The following CNOT10 variants were observed in gnomAD, a reference collection of about 807,000 sequenced individuals.
The protein encoded by CNOT10 is CCR4-NOT transcription complex, subunit 10.
A neutral mutation model predicts 94.6 loss-of-function variants in CNOT10; 30 were observed. The ratio of observed to expected loss-of-function variants is 0.32; its 90% confidence interval spans 0.24 to 0.43. The LOEUF (loss-of-function observed/expected upper bound fraction) is 0.43, where lower values mean the gene tolerates loss of function less well. CNOT10 is among the 20% of genes least tolerant of loss of function. The pLI is 1.00. For synonymous variants in CNOT10, 289 were observed against 301.6 expected (o/e 0.96, Z 0.43); for missense variants, 759 against 877.2 (o/e 0.87, Z 1.70).
chr3:32,753,164 A>G, intron 13 of CNOT10: 1 of 623,868 alleles, frequency 1.6e-6, no homozygotes. Context: ...GAGAAAAGGA[A>G]CATGTGAATA....
chr3:32,711,843 G>A (rs1197093918), intron 4 of CNOT10, among the ~76,000 whole-genome samples: 1 of 152,176 alleles, frequency 6.6e-6, no homozygotes, highest in Non-Finnish European at 1.5e-5. Flanking sequence ...AAGAGGTAAA[G>A]CCTAGGGCAG....
rs930447085 is a variant in CNOT10 at position 32,759,349 on chromosome 3, C to T, written c.1596-109C>T. On this transcript the variant is annotated intron_variant, in intron 13 of 18. Transcript: ENST00000328834. ...AGTACCGTGGCTTCCTCTCCTCTTT[C>T]CTGGTGTCCAGATTGTCACAGCTAA... 2.5e-5 allele frequency: 18 copies of T among 719,326 alleles called. No individual in the cohort carries two copies. The East Asian group carries it at 2.8e-4, about 11-fold the overall frequency. The allele number at this position is 719,326 out of a possible 1,614,324, so 44.6% of individuals were successfully genotyped here. A position where few individuals can be genotyped will look rare whatever the true frequency, so the allele number is the denominator to read the frequency against.
chr3:32,705,881 C>G (rs1697597164), intron 3 of CNOT10, among the ~76,000 whole-genome samples: 2 of 152,102 alleles, frequency 1.3e-5, no homozygotes, highest in African/African-American at 4.8e-5. Flanking sequence ...AATTTTTAAA[C>G]CCCATTAAAA....
At chr3:32,688,920 A>T (rs895658035) in intron 1 of CNOT10, among the ~76,000 whole-genome samples, 1 of 151,950 alleles carries the variant, frequency 6.6e-6, no homozygotes, top group African/African-American at 2.4e-5. Flanking sequence ...AAAATAAAAT[A>T]AAAGGCCGGA....
At chr3:32,729,102 G>A (rs990268803) in intron 10 of CNOT10, among the ~76,000 whole-genome samples, 3 of 152,078 alleles carry the variant, frequency 2.0e-5, no homozygotes, top group African/African-American at 7.2e-5. Context: ...TCAAAAAAAA[G>A]TTCTGATAAC....
rs1478933561 is a variant in CNOT10 at position 32,704,716 on chromosome 3, TAAGATA to T, written c.118-89_118-84del. 2.2e-6 allele frequency: 3 copies of T among 1,358,858 alleles called. No homozygotes were observed. In the East Asian group the frequency reaches 8.0e-5, roughly 36 times the overall value. 84.2% of individuals were successfully genotyped at this position (1,358,858 alleles called of 1,614,324 possible). A position where few individuals can be genotyped will look rare whatever the true frequency, so the allele number is the denominator to read the frequency against. On this transcript the variant is annotated intron_variant, in intron 2 of 18. Coordinates refer to ENST00000328834, the MANE Select transcript of CNOT10 (RefSeq NM_015442.3). ...CTACATCTTTCTTTTTAAGAACTTT[TAAGATA>T]AAGATGAATGAAATATATTTGGAAT...
chr3:32,734,784 G>C lies in CNOT10; in HGVS notation c.1338-16G>C. On this transcript the variant is annotated splice_polypyrimidine_tract_variant and intron_variant, in intron 11 of 18. Transcript: ENST00000328834. ...ATATTTTATCCACTTAGCTAATTTG[G>C]TTTTGTTCTTTTAAGTGATGGGCAG... The C allele has an allele frequency of 1.3e-6, 2 of 1,548,746 alleles. No individual in the cohort carries two copies. The highest frequency in any genetic ancestry group is 1.8e-6 in the Non-Finnish European group (2 of 1,142,336).
At chr3:32,728,175 T>C (rs1473347169) in intron 10 of CNOT10, among the ~76,000 whole-genome samples, 1 of 151,956 alleles carries the variant, frequency 6.6e-6, no homozygotes, top group Non-Finnish European at 1.5e-5. Flanking sequence ...TTTGTATTTT[T>C]AGTAGAGACG....
chr3:32,713,244 G>A lies in CNOT10; in HGVS notation c.448G>A (p.Ala150Thr). 2 of 1,573,730 alleles carry A rather than the reference G, an allele frequency of 1.3e-6. No individual in the cohort carries two copies. Among genetic ancestry groups the A allele is most frequent in the Non-Finnish European group, 1.7e-6 (2 of 1,168,926 alleles). Reference protein sequence around the residue: ...IEPFEEKFAQAVCFLLVDLYI... With the variant: ...IEPFEEKFAQTVCFLLVDLYI... ...TCTCCCAGAAGAAAAATTTGCCCAA[G>A]CAGTGTGTTTTTTGCTTGTAGACCT... Residue 150 changes from alanine to threonine, a missense_variant, in exon 5 of 19, where the codon GCA becomes ACA. Ala to Thr is a moderately conservative substitution (Grantham distance 58). Transcript: ENST00000328834.
intron 4 of CNOT10, among the ~76,000 whole-genome samples, chr3:32,709,255 A>G (rs907489367): frequency 8.5e-5 from 13 of 152,168 alleles, no homozygotes; most frequent in Non-Finnish European, 5.9e-5. Context: ...GTTTTTTGCT[A>G]TCTTAATTAG....
rs139292490 is a variant in CNOT10 at position 32,746,038 on chromosome 3, A to G, written c.1595+8548A>G. 6.1e-3 allele frequency among the ~76,000 whole-genome samples: 924 copies of G among 152,358 alleles called. 16 individuals are homozygous for G. The highest frequency in any genetic ancestry group is 0.021 in the African/African-American group (886 of 41,590). ...GCACAAGTTAACATGGATGAATCTC[A>G]AAACATTTTCCTGTTTTTTCTTTTC... is the stretch of plus-strand genomic sequence containing the variant. On this transcript the variant is annotated intron_variant, in intron 13 of 18. Transcript: ENST00000328834.
chr3:32,704,091 G>A, intron 2 of CNOT10, 129 bp downstream of exon 2: 2 of 536,658 alleles, frequency 3.7e-6, no homozygotes, highest in South Asian at 3.0e-5. Flanking sequence ...GAGATAAGTA[G>A]GTTTAATTTT....
In CNOT10 at chr3:32,737,684, G is replaced by A. The variant is rs544710936; in HGVS notation, c.1595+194G>A. Among the ~76,000 whole-genome samples the A allele has an allele frequency of 3.6e-4, 55 of 152,088 alleles. No homozygotes were observed. In the East Asian group the frequency reaches 6.4e-3, roughly 18 times the overall value. On this transcript the variant is annotated intron_variant, in intron 13 of 18. Coordinates refer to ENST00000328834, the MANE Select transcript of CNOT10 (RefSeq NM_015442.3). ...CTAAAAATACAAAAATTAACCGGGCGTGGTGGCAGGCGCCTGTAATCCCAG... is the reference window on the plus strand; with the variant it reads ...CTAAAAATACAAAAATTAACCGGGCATGGTGGCAGGCGCCTGTAATCCCAG...
intron 4 of CNOT10, among the ~76,000 whole-genome samples, chr3:32,710,020 C>A (rs1697808050): frequency 6.6e-6 from 1 of 151,900 alleles, no homozygotes; most frequent in Non-Finnish European, 1.5e-5. Context: ...GTGGCACATG[C>A]CTGTAATCCC....
chr3:32,720,120 C>T lies in CNOT10; in HGVS notation c.751C>T (p.Pro251Ser). The T allele has an allele frequency of 6.6e-7, 1 of 1,507,110 alleles. No individual in the cohort carries two copies. The highest frequency in any genetic ancestry group is 9.1e-7 in the Non-Finnish European group (1 of 1,101,672). 93.4% of individuals were successfully genotyped at this position (1,507,110 alleles called of 1,614,324 possible). The change falls in exon 8 of 19, where the codon CCC becomes TCC. Residue 251 changes from proline (P) to serine (S), a missense_variant. Coordinates refer to ENST00000328834, the MANE Select transcript of CNOT10 (RefSeq NM_015442.3). ...TTTTATATTTTCTCTACAGTCCGCA[C>T]CCTCTCTCTTTCTTAAAAGCAATTT... ...SVMNTAGNSA[P>S]SLFLKSNFEY...
chr3:32,721,429 CTTT>C (rs58351356), intron 8 of CNOT10, among the ~76,000 whole-genome samples: 5 of 72,608 alleles, frequency 6.9e-5, no homozygotes, highest in African/African-American at 1.7e-4. Flanking sequence ...TTTCTTTCAT[CTTT>C]TTTTTTTTTT....
At chr3:32,707,113 G>A (rs748901499) in intron 3 of CNOT10, among the ~76,000 whole-genome samples, 15 of 152,154 alleles carry the variant, frequency 9.9e-5, no homozygotes, top group Non-Finnish European at 1.8e-4. Context: ...ATAATTTATT[G>A]CAATCTTCAT....
rs1472305156 is a variant in CNOT10, at chr3:32,728,875, T to C, written c.1215+1005T>C. On this transcript the variant is annotated intron_variant, in intron 10 of 18. Coordinates refer to ENST00000328834, the MANE Select transcript of CNOT10 (RefSeq NM_015442.3). ...CAGCACTTTGGGAGGCCGAGGCGGG[T>C]GGATCACGAGGTCAGGAGATCGAGA... Among the ~76,000 whole-genome samples, 5 of 151,898 alleles carry C rather than the reference T, an allele frequency of 3.3e-5. No homozygotes were observed. The East Asian group carries it at 7.8e-4, about 24-fold the overall frequency.
intron 13 of CNOT10, among the ~76,000 whole-genome samples, chr3:32,744,794 G>C (rs1054617895): frequency 6.6e-6 from 1 of 152,194 alleles, no homozygotes. Context: ...ACAATCCTCA[G>C]ATATAAAATT....
Sources: allele counts gnomAD v4.1 joint callset (sites outside exome capture counted in the v4.1 genomes callset), GRCh38; gene constraint gnomAD v4.1.1; transcripts MANE v1.5; gene names NCBI Gene and HGNC (gene_info 2026-07-23, HGNC 2026-07-21).